The following FBXO28 variants were observed in gnomAD, a reference collection of about 807,000 sequenced individuals.
FBXO28 encodes F-box only protein 28.
A neutral mutation model predicts 38.1 loss-of-function variants in FBXO28; 8 were observed. The ratio of observed to expected loss-of-function variants is 0.21; its 90% CI spans 0.12 to 0.38. The LOEUF (loss-of-function observed/expected upper bound fraction) is 0.38. Ranked by LOEUF, FBXO28 falls within the 10% of genes least tolerant of loss-of-function variation. FBXO28 has a pLI of 1.00. For synonymous variants in FBXO28, 168 were observed against 173.8 expected (o/e 0.97, Z 0.26); for missense variants, 345 against 460.6 (o/e 0.75, Z 2.30).
rs111844907 is a variant in FBXO28 at position 224,138,120 on chromosome 1, C to T, written c.516+3908C>T. 7.0e-3 allele frequency among the ~76,000 whole-genome samples: 1,065 copies of T among 151,630 alleles called. 40 individuals are homozygous for T. Among genetic ancestry groups the T allele is most frequent in the African/African-American group, 0.025 (1,007 of 41,068 alleles). On this transcript the variant is annotated intron_variant, in intron 3 of 4. Coordinates refer to ENST00000366862, the MANE Select transcript of FBXO28 (RefSeq NM_015176.4). Reference sequence around the variant, plus strand: ...GCAGGCACCTATAGTCCCAGCTACTCAGGAGACTGAGGCAGGAGAATCACT... The same window carrying T: ...GCAGGCACCTATAGTCCCAGCTACTTAGGAGACTGAGGCAGGAGAATCACT...
chr1:224,138,953 T>C (rs916423885), intron 3 of FBXO28, among the ~76,000 whole-genome samples: 3 of 151,616 alleles, frequency 2.0e-5, no homozygotes, highest in Non-Finnish European at 4.4e-5. Context: ...AGCTAAGTTT[T>C]TTTGTATTTT....
At chr1:224,155,776 A>G (rs771147009) in intron 4 of FBXO28, among the ~76,000 whole-genome samples, 5 of 152,204 alleles carry the variant, frequency 3.3e-5, no homozygotes, top group Non-Finnish European at 5.9e-5. Context: ...TTGAGTACCT[A>G]TTATGCGCAC....
At position 224,153,190 on chromosome 1, in the gene FBXO28, G is replaced by T; in HGVS notation, c.565G>T (p.Ala189Ser). 1 of 1,609,352 alleles carries T rather than the reference G, an allele frequency of 6.2e-7. No individual in the cohort carries two copies. Among genetic ancestry groups the T allele is most frequent in the African/African-American group, 1.3e-5 (1 of 74,904 alleles). ...GTTGAGATATGTCAATTCTACCAGA[G>T]CCCCTCAACGAGCTCATGAAGTACT... ...RVLRYVNSTR[A>S]PQRAHEVLQE... Residue 189 changes from alanine to serine, a missense_variant, in exon 4 of 5, where the codon GCC becomes TCC. By Grantham distance (99) the Ala-to-Ser change is moderately conservative. This residue lies in a region of FBXO28 where 24 missense variants were observed against 24.6 expected (regional missense o/e 0.98). Coordinates refer to ENST00000366862, the MANE Select transcript of FBXO28 (RefSeq NM_015176.4).
At chr1:224,140,252 A>G (rs557183501) in intron 3 of FBXO28, among the ~76,000 whole-genome samples, 1 of 152,226 alleles carries the variant, frequency 6.6e-6, no homozygotes, top group African/African-American at 2.4e-5. Flanking sequence ...TGTAACACTG[A>G]TGTAATACTG....
chr1:224,135,620 AAAAAAAAAAAAAAAAG>A (rs1458387923), intron 3 of FBXO28, among the ~76,000 whole-genome samples: 2 of 100,960 alleles, frequency 2.0e-5, no homozygotes, highest in East Asian at 2.4e-4. Flanking sequence ...TCAAAAAAAA[AAAAAAAAAAAAAAAAG>A]AAAAAGAAAA....
Position 224,160,643 on chromosome 1 carries a change from G to A in FBXO28, c.*2897G>A, listed in dbSNP as rs942176794. ...TGGAAATAATGGAGCAAACGCAAAT[G>A]TATTGAGAGTCATTATACTTTAAAA... is the stretch of plus-strand genomic sequence containing the variant. On this transcript the variant is annotated 3_prime_UTR_variant, in exon 5 of 5. Transcript: ENST00000366862. The A allele has an allele frequency of 2.0e-5, 3 of 151,700 alleles. No individual in the cohort carries two copies. Among genetic ancestry groups the A allele is most frequent in the African/African-American group, 7.3e-5 (3 of 41,216 alleles). The allele number at this position is 151,700 out of a possible 1,614,324, so 9.4% of individuals were successfully genotyped here.
chr1:224,121,571 C>T (rs552471020), intron 1 of FBXO28, among the ~76,000 whole-genome samples: 1 of 152,274 alleles, frequency 6.6e-6, no homozygotes, highest in East Asian at 1.9e-4. Context: ...CTCACTGCAG[C>T]CTCAAACTCT....
At chr1:224,147,049 T>G (rs1657525650) in intron 3 of FBXO28, among the ~76,000 whole-genome samples, 1 of 151,932 alleles carries the variant, frequency 6.6e-6, no homozygotes, top group African/African-American at 2.4e-5. Context: ...TATTCGTGGG[T>G]TCCACATTCA....
At chr1:224,135,611 CAAAAAAA>C (rs71168313) in intron 3 of FBXO28, among the ~76,000 whole-genome samples, 221 of 110,756 alleles carry the variant, frequency 2.0e-3, no homozygotes, top group African/African-American at 7.3e-3. Context: ...GACTCTGTCT[CAAAAAAA>C]AAAAAAAAAA....
chr1:224,142,444 A>T (rs1263268684), intron 3 of FBXO28, among the ~76,000 whole-genome samples: 1 of 149,996 alleles, frequency 6.7e-6, no homozygotes, highest in Non-Finnish European at 1.5e-5. Context: ...TGAGCTCAGG[A>T]GTTCTTTAAG....
intron 1 of FBXO28, among the ~76,000 whole-genome samples, chr1:224,121,178 T>C (rs1656763346): frequency 6.6e-6 from 1 of 152,190 alleles, no homozygotes; most frequent in South Asian, 2.1e-4. Flanking sequence ...TCCTTTGTTT[T>C]AGTCAACATT....
At chr1:224,128,503 T>G (rs12737029) in intron 1 of FBXO28, among the ~76,000 whole-genome samples, 1 of 152,044 alleles carries the variant, frequency 6.6e-6, no homozygotes, top group Non-Finnish European at 1.5e-5. Flanking sequence ...TATAGCACTT[T>G]AGAGTTTACC....
At chr1:224,135,114 T>C (rs1468424877) in intron 3 of FBXO28, among the ~76,000 whole-genome samples, 3 of 152,252 alleles carry the variant, frequency 2.0e-5, no homozygotes, top group Admixed American at 6.5e-5. Context: ...ATTATATACA[T>C]TTTCTTTAAA....
intron 4 of FBXO28, among the ~76,000 whole-genome samples, chr1:224,156,645 A>G (rs974638185): frequency 3.3e-5 from 5 of 152,194 alleles, no homozygotes; most frequent in African/African-American, 7.2e-5. Flanking sequence ...GAAACGTGCA[A>G]CCTGTAGGTG....
At chr1:224,116,660 T>C (rs751586720) in intron 1 of FBXO28, among the ~76,000 whole-genome samples, 1 of 152,212 alleles carries the variant, frequency 6.6e-6, no homozygotes, top group Non-Finnish European at 1.5e-5. Flanking sequence ...GCTTGTCTTA[T>C]TGGAACCTCA....
intron 1 of FBXO28, among the ~76,000 whole-genome samples, chr1:224,117,995 TAA>T (rs1491152302): frequency 1.3e-3 from 93 of 73,196 alleles, no homozygotes; most frequent in African/African-American, 3.8e-3. Context: ...TTTAATTAAT[TAA>T]TTAATTTATT....
chr1:224,147,315 C>T (rs897081152), intron 3 of FBXO28, among the ~76,000 whole-genome samples: 7 of 150,348 alleles, frequency 4.7e-5, no homozygotes, highest in African/African-American at 1.2e-4. Context: ...CCCAGCTACT[C>T]GGGAGGCTGA....
At chr1:224,151,449 C>T (rs1365159189) in intron 3 of FBXO28, among the ~76,000 whole-genome samples, 1 of 152,186 alleles carries the variant, frequency 6.6e-6, no homozygotes, top group Non-Finnish European at 1.5e-5. Context: ...GCTCCATTAA[C>T]AATGATCATC....
chr1:224,122,622 C>T (rs1001012131), intron 1 of FBXO28, among the ~76,000 whole-genome samples: 7 of 151,998 alleles, frequency 4.6e-5, no homozygotes, highest in African/African-American at 1.4e-4. Context: ...CCCCAAGCCC[C>T]GCCAACACAC....
Sources: gnomAD v4.1 joint callset for allele counts (sites outside exome capture counted in the v4.1 genomes callset) on GRCh38, gnomAD v4.1.1 for gene constraint, gnomAD v4.1.1 regional missense constraint, MANE v1.5 for transcripts, NCBI Gene and HGNC (gene_info 2026-07-23, HGNC 2026-07-21) for gene names.